The following C12orf54 variants were observed in gnomAD, a reference collection of about 807,000 sequenced individuals.
The protein encoded by C12orf54 is chromosome 12 open reading frame 54.
C12orf54 carries 24 observed loss-of-function variants against 26.4 expected under a neutral mutation model. The ratio of observed to expected loss-of-function variants is 0.91; its 90% CI spans 0.66 to 1.28. C12orf54 has a LOEUF of 1.28. C12orf54 is among the 50% of genes most tolerant of loss of function. The pLI is 0.00. For synonymous variants in C12orf54, 54 were observed against 47.0 expected (o/e 1.15, Z -0.61); for missense variants, 154 against 150.9 (o/e 1.02, Z -0.11).
At chr12:48,424,608 A>G in the C12orf54 span, among the ~76,000 whole-genome samples, 1 of 152,234 alleles carries the variant, frequency 6.6e-6, no homozygotes, top group African/African-American at 2.4e-5. Context: ...GCCAATGGGA[A>G]TACAGAATAG....
At chr12:48,419,332 C>T in the C12orf54 span, among the ~76,000 whole-genome samples, 1 of 152,122 alleles carries the variant, frequency 6.6e-6, no homozygotes, top group Non-Finnish European at 1.5e-5. Flanking sequence ...GGTTTTAAGC[C>T]TTTCTTATCT....
the C12orf54 span, among the ~76,000 whole-genome samples, chr12:48,440,687 T>C: frequency 6.6e-6 from 1 of 152,216 alleles, no homozygotes; most frequent in Non-Finnish European, 1.5e-5. Context: ...ATTGGATGAA[T>C]AGTTTGAAGC....
At chr12:48,413,799 C>T in the C12orf54 span, among the ~76,000 whole-genome samples, 1 of 152,180 alleles carries the variant, frequency 6.6e-6, no homozygotes, top group African/African-American at 2.4e-5. Context: ...TTTCTACCTA[C>T]TTTGTATTGC....
chr12:48,465,879 C>T, the C12orf54 span, among the ~76,000 whole-genome samples: 1 of 152,010 alleles, frequency 6.6e-6, no homozygotes, highest in Non-Finnish European at 1.5e-5. Context: ...AATTGAATAT[C>T]AACAAGGGAG....
At chr12:48,491,595 G>T (rs528275657) in intron 6 of C12orf54, among the ~76,000 whole-genome samples, 3 of 152,192 alleles carry the variant, frequency 2.0e-5, no homozygotes, top group Admixed American at 2.0e-4. Context: ...TACAGAAAAG[G>T]GGAACAGCTT....
chr12:48,467,401 G>A, the C12orf54 span, among the ~76,000 whole-genome samples: 1 of 152,138 alleles, frequency 6.6e-6, no homozygotes, highest in Non-Finnish European at 1.5e-5. Context: ...GTGGCAATTT[G>A]TTATGGCAGC....
At chr12:48,436,229 C>A in the C12orf54 span, among the ~76,000 whole-genome samples, 1 of 152,142 alleles carries the variant, frequency 6.6e-6, no homozygotes, top group Non-Finnish European at 1.5e-5. Context: ...TATATATGCA[C>A]CCAATACAGG....
the C12orf54 span, among the ~76,000 whole-genome samples, chr12:48,475,464 T>C: frequency 4.6e-5 from 7 of 152,052 alleles, no homozygotes; most frequent in African/African-American, 1.7e-4. Flanking sequence ...AGGAGGAAAC[T>C]TGAACCAATG....
At chr12:48,480,900 A>G (rs550473929), upstream of C12orf54, among the ~76,000 whole-genome samples, 1 of 152,296 alleles carries the variant, frequency 6.6e-6, no homozygotes, top group East Asian at 1.9e-4. Flanking sequence ...AAATAATGAA[A>G]TTATATTCTT....
At chr12:48,480,336 G>T (rs944545379), upstream of C12orf54, among the ~76,000 whole-genome samples, 4 of 152,062 alleles carry the variant, frequency 2.6e-5, no homozygotes, top group Non-Finnish European at 2.9e-5. Flanking sequence ...ATTTGTTTAA[G>T]TTCCTTATAG....
Position 48,483,257 on chromosome 12 carries a change from A to G in C12orf54, c.-40A>G, listed in dbSNP as rs745329725. ...CTCTCCAGGGCCTGGAGCTATCTCC[A>G]TCTTCAGCTCCAGAGTCCTTGGTTT... On this transcript the variant is annotated 5_prime_UTR_variant, in exon 2 of 9. Coordinates refer to ENST00000548364, the MANE Select transcript of C12orf54 (RefSeq NM_152319.4). 1 of 1,582,240 alleles carries G rather than the reference A, an allele frequency of 6.3e-7. No homozygotes were observed. Among genetic ancestry groups the G allele is most frequent in the East Asian group, 2.2e-5 (1 of 44,726 alleles).
chr12:48,448,742 T>A, the C12orf54 span, among the ~76,000 whole-genome samples: 3 of 152,238 alleles, frequency 2.0e-5, no homozygotes, highest in Admixed American at 1.3e-4. Flanking sequence ...TTATTTTAAT[T>A]GAATACAATA....
the C12orf54 span, among the ~76,000 whole-genome samples, chr12:48,444,267 G>A: frequency 6.6e-6 from 1 of 152,134 alleles, no homozygotes; most frequent in Non-Finnish European, 1.5e-5. Flanking sequence ...GAGCAACCTG[G>A]ATTCTTTTTG....
upstream of C12orf54, among the ~76,000 whole-genome samples, chr12:48,481,947 C>CA (rs1954203627): frequency 6.6e-6 from 1 of 152,118 alleles, no homozygotes; most frequent in South Asian, 2.1e-4. Flanking sequence ...TTATATGCAC[C>CA]ATCACCAAAA....
chr12:48,482,935 C>CT (rs35033434), intron 1 of C12orf54, among the ~76,000 whole-genome samples: 270 of 148,432 alleles, frequency 1.8e-3, no homozygotes, highest in African/African-American at 5.6e-3. Flanking sequence ...TAGATTCTCT[C>CT]TTTTTTTTTT....
chr12:48,462,824 T>G, the C12orf54 span, among the ~76,000 whole-genome samples: 2 of 151,816 alleles, frequency 1.3e-5, no homozygotes, highest in East Asian at 3.8e-4. Context: ...GCAGTCTCTT[T>G]AGGATTTGGA....
the C12orf54 span, among the ~76,000 whole-genome samples, chr12:48,441,606 C>T: frequency 6.6e-6 from 1 of 152,082 alleles, no homozygotes; most frequent in African/African-American, 2.4e-5. Flanking sequence ...TTGGGGATTC[C>T]ATGATTAACA....
At chr12:48,475,779 C>T in the C12orf54 span, among the ~76,000 whole-genome samples, 2 of 152,140 alleles carry the variant, frequency 1.3e-5, no homozygotes, top group Non-Finnish European at 2.9e-5. Context: ...ATTGGTGTAC[C>T]TGAAAGTGAC....
the C12orf54 span, among the ~76,000 whole-genome samples, chr12:48,462,029 A>G: frequency 2.0e-5 from 3 of 151,658 alleles, no homozygotes; most frequent in Admixed American, 2.0e-4. Context: ...GAAAGGAGAC[A>G]TGACATTTCC....
Sources: allele counts gnomAD v4.1 joint callset (sites outside exome capture counted in the v4.1 genomes callset), GRCh38; gene constraint gnomAD v4.1.1; transcripts MANE v1.5; gene names NCBI Gene and HGNC (gene_info 2026-07-23, HGNC 2026-07-21).